Variants in RELCH observed in about 807,000 individuals in gnomAD.
RELCH encodes RAB11-binding protein RELCH.
RELCH carries 41 observed loss-of-function variants against 150.3 expected under a neutral mutation model. That is an observed-to-expected ratio of 0.27 (90% CI 0.21 to 0.35). The LOEUF is 0.35. RELCH is among the 10% of genes least tolerant of loss of function. RELCH has a pLI of 1.00. For synonymous variants in RELCH, 478 were observed against 531.8 expected, an observed-to-expected ratio of 0.90 and a Z score of 1.39; for missense variants, 1,092 against 1,467.8, an observed-to-expected ratio of 0.74 and a Z score of 4.18.
At chr18:62,301,051 C>T (rs1472250313) in intron 28 of RELCH, 2 of 152,116 alleles carry the variant, frequency 1.3e-5, no homozygotes, top group Admixed American at 6.6e-5. Flanking sequence ...AAAACAATGC[C>T]TGCAAATGGT....
At chr18:62,197,610 G>T (rs1247343747) in intron 1 of RELCH, among the ~76,000 whole-genome samples, 1 of 152,138 alleles carries the variant, frequency 6.6e-6, no homozygotes, top group African/African-American at 2.4e-5. Context: ...CAAGTTGACT[G>T]TAAATTGATT....
intron 11 of RELCH, among the ~76,000 whole-genome samples, chr18:62,249,504 A>G (rs1447891067): frequency 6.6e-6 from 1 of 152,232 alleles, no homozygotes; most frequent in Non-Finnish European, 1.5e-5. Context: ...GTGGTACTAT[A>G]GGAAAATTAG....
At chr18:62,231,948 A>G (rs2041606407) in intron 9 of RELCH, among the ~76,000 whole-genome samples, 1 of 152,044 alleles carries the variant, frequency 6.6e-6, no homozygotes, top group Admixed American at 6.6e-5. Context: ...CTTTGTACAG[A>G]TTATCACTGT....
intron 25 of RELCH, among the ~76,000 whole-genome samples, chr18:62,283,782 C>T (rs2144976204): frequency 6.6e-6 from 1 of 152,264 alleles, no homozygotes; most frequent in African/African-American, 2.4e-5. Flanking sequence ...GGTGCTTTGA[C>T]TTTTCGAGGC....
intron 2 of RELCH, among the ~76,000 whole-genome samples, chr18:62,219,699 A>G (rs1336814776): frequency 1.3e-5 from 2 of 152,010 alleles, no homozygotes; most frequent in African/African-American, 2.4e-5. Flanking sequence ...AAAGTAACAT[A>G]CGATGTCATC....
intron 1 of RELCH, among the ~76,000 whole-genome samples, chr18:62,194,726 C>G (rs1243676499): frequency 6.6e-6 from 1 of 152,124 alleles, no homozygotes; most frequent in Admixed American, 6.5e-5. Flanking sequence ...TCAATAAGCA[C>G]TTGTTGGTTG....
At chr18:62,210,789 G>C (rs181356919) in intron 1 of RELCH, among the ~76,000 whole-genome samples, 6 of 152,316 alleles carry the variant, frequency 3.9e-5, no homozygotes, top group Admixed American at 2.6e-4. Context: ...GATAATGTGT[G>C]TGTTAGGCCG....
At chr18:62,302,418 GAATTAGACACC>G (rs1263838035) in intron 28 of RELCH, among the ~76,000 whole-genome samples, 1 of 152,160 alleles carries the variant, frequency 6.6e-6, no homozygotes, top group African/African-American at 2.4e-5. Context: ...ACCAGGCATG[GAATTAGACACC>G]AACATTTCAG....
At chr18:62,226,602 C>T (rs2041231373) in intron 5 of RELCH, among the ~76,000 whole-genome samples, 2 of 151,904 alleles carry the variant, frequency 1.3e-5, no homozygotes, top group African/African-American at 4.8e-5. Context: ...CTGAGACTTC[C>T]TTAATCTAAA....
At chr18:62,280,137 C>A (rs912581188) in intron 23 of RELCH, among the ~76,000 whole-genome samples, 15 of 152,200 alleles carry the variant, frequency 9.9e-5, no homozygotes, top group South Asian at 8.3e-4. Flanking sequence ...TGCTGATGGA[C>A]TGTTTCTTTC....
chr18:62,266,787 T>TAAAGAAATGCAA, intron 19 of RELCH, 38 bp downstream of exon 19: 1 of 1,243,114 alleles, frequency 8.0e-7, no homozygotes, highest in Non-Finnish European at 1.2e-6. Context: ...AACAATTGCA[T>TAAAGAAATGCAA]TTCTTTATGC....
chr18:62,240,397 C>CTT (rs76990940), intron 10 of RELCH, among the ~76,000 whole-genome samples: 1 of 141,074 alleles, frequency 7.1e-6, no homozygotes, highest in Non-Finnish European at 1.6e-5. Flanking sequence ...AAACCATTTT[C>CTT]TTTTTTTTTT....
Position 62,258,844 on chromosome 18 carries a change from A to T in RELCH, c.2202+168A>T, listed in dbSNP as rs535768853. ...CTGGAGCCAAGAAAGAGATTTGAGGAAGTTTTGCTTTGCTGAAGCTGGAGG... is the reference window on the plus strand; with the variant it reads ...CTGGAGCCAAGAAAGAGATTTGAGGTAGTTTTGCTTTGCTGAAGCTGGAGG... On this transcript the variant is annotated intron_variant, in intron 15 of 28. Coordinates refer to ENST00000644646, the MANE Select transcript of RELCH (RefSeq NM_001346231.2). Among the ~76,000 whole-genome samples the T allele has an allele frequency of 2.0e-5, 3 of 152,152 alleles. No homozygotes were observed. The East Asian group carries it at 5.8e-4, about 29-fold the overall frequency.
Position 62,187,649 on chromosome 18 carries a change from TC to T in RELCH, c.146del (p.Pro49LeufsTer15). On this transcript the variant is annotated frameshift_variant, in exon 1 of 29. Transcript: ENST00000644646. LOFTEE classifies it high-confidence loss of function. ...GGCTGGGCGCCGGAAGTGGCCTAGA[TC>T]CTGGCTCTGCGGGCTCGCTGTCGCC... ...LRLGAGSGLD[P>X]GSAGSLSPQD... 1 of 1,558,176 alleles carries T rather than the reference TC, an allele frequency of 6.4e-7. No individual in the cohort carries two copies. The highest frequency in any genetic ancestry group is 8.7e-7 in the Non-Finnish European group (1 of 1,149,500).
chr18:62,237,405 G>T (rs527289550), intron 10 of RELCH, among the ~76,000 whole-genome samples: 1 of 151,720 alleles, frequency 6.6e-6, no homozygotes, highest in Non-Finnish European at 1.5e-5. Flanking sequence ...TATTATTGTA[G>T]AACTGTCTTA....
chr18:62,188,103 G>A, intron 1 of RELCH, 72 bp downstream of exon 1: 1 of 1,431,174 alleles, frequency 7.0e-7, no homozygotes, highest in Non-Finnish European at 9.2e-7. Context: ...GGGGAGAGGG[G>A]GTATTTCTGC....
intron 24 of RELCH, 79 bp downstream of exon 24, chr18:62,280,788 G>A (rs889627204): frequency 2.4e-5 from 23 of 953,686 alleles, no homozygotes; most frequent in Non-Finnish European, 3.2e-5. Flanking sequence ...TAGGCTGCAG[G>A]GAGCATCTTA....
chr18:62,244,951 G>T, intron 11 of RELCH, 75 bp downstream of exon 11: 1 of 970,434 alleles, frequency 1.0e-6, no homozygotes, highest in Non-Finnish European at 1.6e-6. Flanking sequence ...ATCAGGATTA[G>T]CATTTGAATC....
intron 15 of RELCH, among the ~76,000 whole-genome samples, chr18:62,260,604 A>C (rs528795716): frequency 6.6e-6 from 1 of 151,770 alleles, no homozygotes; most frequent in African/African-American, 2.4e-5. Flanking sequence ...TTACATGTTG[A>C]GTTTCAAGCA....
Sources: allele counts gnomAD v4.1 joint callset (sites outside exome capture counted in the v4.1 genomes callset), GRCh38; gene constraint gnomAD v4.1.1; transcripts MANE v1.5; gene names NCBI Gene and HGNC (gene_info 2026-07-23, HGNC 2026-07-21).